The following SLC26A4 variants were observed in gnomAD, a reference collection of about 807,000 sequenced individuals.
SLC26A4 encodes the protein pendrin.
In SLC26A4, 93 loss-of-function variants were observed where a neutral mutation model predicts 90.4. The ratio of observed to expected loss-of-function variants is 1.03; its 90% CI spans 0.87 to 1.22. The LOEUF (loss-of-function observed/expected upper bound fraction) is 1.22, where lower values mean the gene tolerates loss of function less well. SLC26A4 is among the 50% of genes most tolerant of loss of function. The pLI is 0.00. For synonymous variants in SLC26A4, 393 were observed against 354.6 expected, an observed-to-expected ratio of 1.11 and a Z score of -1.22; for missense variants, 1,127 against 946.2, an observed-to-expected ratio of 1.19 and a Z score of -2.51.
In SLC26A4 at chr7:107,675,056, A is replaced by G. The variant is rs907601430; in HGVS notation, c.712A>G (p.Ile238Val). The change falls in exon 6 of 21, where the codon ATT becomes GTT. Residue 238 changes from isoleucine to valine, a missense_variant. Coordinates refer to ENST00000644269, the MANE Select transcript of SLC26A4 (RefSeq NM_000441.2). ...AFQVLVSQLK[I>V]VLNVSTKNYN... ...CCAAGTGCTGGTCTCACAGCTAAAG[A>G]TTGTCCTCAATGTTTCAACCAAAAA... 3.1e-6 allele frequency: 5 copies of G among 1,614,056 alleles called. No individual in the cohort carries two copies. The highest frequency in any genetic ancestry group is 1.7e-5 in the Admixed American group (1 of 60,012).
intron 20 of SLC26A4, among the ~76,000 whole-genome samples, chr7:107,713,874 T>C (rs1386940179): frequency 6.6e-6 from 1 of 150,864 alleles, no homozygotes; most frequent in African/African-American, 2.5e-5. Flanking sequence ...ATCTTGTTGG[T>C]TCTTGTTTAC....
chr7:107,661,503 C>T lies in SLC26A4; in HGVS notation c.-3-136C>T, dbSNP rs1040220320. The T allele has an allele frequency of 2.0e-6, 2 of 1,016,660 alleles. No individual in the cohort carries two copies. The highest frequency in any genetic ancestry group is 2.9e-5 in the South Asian group (2 of 67,886). 63.0% of individuals were successfully genotyped at this position (1,016,660 alleles called of 1,614,324 possible). On this transcript the variant is annotated intron_variant, in intron 1 of 20. Transcript: ENST00000644269. This position sits in a 1 kb window ranked among gnomAD's most constrained non-coding sequence, Gnocchi z 5.1. ...GTCGCGAGCGCCGAGGGCTGCAGGACGCGGACCAGACTCGCGGTGCAGGGG... is the reference window on the plus strand; with the variant it reads ...GTCGCGAGCGCCGAGGGCTGCAGGATGCGGACCAGACTCGCGGTGCAGGGG...
Position 107,661,580 on chromosome 7 carries a change from C to G in SLC26A4, c.-3-59C>G, listed in dbSNP as rs2129308658. 6.6e-7 allele frequency: 1 copy of G among 1,509,018 alleles called. No homozygotes were observed. The highest frequency in any genetic ancestry group is 2.4e-5 in the East Asian group (1 of 40,846). The allele number at this position is 1,509,018 out of a possible 1,614,324, so 93.5% of individuals were successfully genotyped here. ...CCGTTCTTTCTGTTCCTCGCTCTTC[C>G]CCTCCGATCGTCCTCGCTTACCGCG... On this transcript the variant is annotated intron_variant, in intron 1 of 20. Coordinates refer to ENST00000644269, the MANE Select transcript of SLC26A4 (RefSeq NM_000441.2). The surrounding 1 kb of genome is among the most constrained non-coding windows in gnomAD (Gnocchi z 5.1).
chr7:107,713,048 C>T (rs1792236253), intron 20 of SLC26A4, among the ~76,000 whole-genome samples: 1 of 152,222 alleles, frequency 6.6e-6, no homozygotes, highest in Non-Finnish European at 1.5e-5. Context: ...TTTAAAAACA[C>T]ACTCTCCCCA....
chr7:107,684,110 C>T (rs1791330397), intron 8 of SLC26A4, among the ~76,000 whole-genome samples: 2 of 152,102 alleles, frequency 1.3e-5, no homozygotes, highest in Admixed American at 1.3e-4. Flanking sequence ...CTATATAAGA[C>T]AAGGATAATG....
intron 3 of SLC26A4, among the ~76,000 whole-genome samples, chr7:107,665,302 G>A (rs140811508): frequency 1.3e-5 from 2 of 152,324 alleles, no homozygotes; most frequent in African/African-American, 4.8e-5. Context: ...GTAGATGCCC[G>A]AAGAGAAGGA....
intron 6 of SLC26A4, among the ~76,000 whole-genome samples, chr7:107,681,594 T>C (rs983347908): frequency 9.8e-5 from 15 of 152,304 alleles, no homozygotes; most frequent in Non-Finnish European, 1.2e-4. Context: ...CACTGTGAGA[T>C]TGTCTCAAAG....
At chr7:107,685,842 T>C (rs1382955053) in intron 8 of SLC26A4, among the ~76,000 whole-genome samples, 1 of 152,122 alleles carries the variant, frequency 6.6e-6, no homozygotes, top group African/African-American at 2.4e-5. Flanking sequence ...TTTTACCTCT[T>C]CTGTTATAGT....
At chr7:107,674,418 C>A (rs1790964909) in intron 5 of SLC26A4, 70 bp downstream of exon 5, 1 of 1,155,992 alleles carries the variant, frequency 8.7e-7, no homozygotes, top group Non-Finnish European at 1.3e-6. Context: ...AGCATATAGA[C>A]TTAAAGATTC....
rs1428776091 is a variant in SLC26A4 at position 107,694,190 on chromosome 7, C to G, written c.1264-213C>G. ...GGATCAGTCCCCATATTTTCTTTAA[C>G]TTCTCTGCCATAGCATATATAGATG... On this transcript the variant is annotated intron_variant, in intron 10 of 20. Coordinates refer to ENST00000644269, the MANE Select transcript of SLC26A4 (RefSeq NM_000441.2). Among the ~76,000 whole-genome samples the G allele has an allele frequency of 2.0e-5, 3 of 152,198 alleles. No homozygotes were observed. In the East Asian group the frequency reaches 5.8e-4, roughly 29 times the overall value.
At chr7:107,706,715 A>G (rs921030696) in intron 18 of SLC26A4, among the ~76,000 whole-genome samples, 5 of 152,156 alleles carry the variant, frequency 3.3e-5, no homozygotes, top group Admixed American at 3.3e-4. Context: ...AATATAACCA[A>G]TGTTTTCCAA....
At chr7:107,670,993 G>C (rs1395573833) in intron 3 of SLC26A4, among the ~76,000 whole-genome samples, 1 of 152,076 alleles carries the variant, frequency 6.6e-6, no homozygotes, top group African/African-American at 2.4e-5. Context: ...CTGCTGCTGA[G>C]TATAATTATC....
At chr7:107,690,376 C>A in intron 10 of SLC26A4, 139 bp downstream of exon 10, 1 of 683,262 alleles carries the variant, frequency 1.5e-6, no homozygotes, top group Admixed American at 2.1e-5. Flanking sequence ...CAGGCCTATT[C>A]CTCTTGTTCC....
At chr7:107,700,215 T>C (rs1394928597) in intron 15 of SLC26A4, 40 bp downstream of exon 15, 2 of 985,384 alleles carry the variant, frequency 2.0e-6, no homozygotes, top group South Asian at 2.6e-5. Flanking sequence ...TCTAACCTCT[T>C]TTGAGACTTC....
In SLC26A4 at chr7:107,676,695, T is replaced by G. The variant is rs550352401; in HGVS notation, c.765+1586T>G. Among the ~76,000 whole-genome samples the G allele has an allele frequency of 2.6e-5, 4 of 152,292 alleles. No homozygotes were observed. In the South Asian group the frequency reaches 8.3e-4, roughly 32 times the overall value. On this transcript the variant is annotated intron_variant, in intron 6 of 20. Coordinates refer to ENST00000644269, the MANE Select transcript of SLC26A4 (RefSeq NM_000441.2). Reference sequence around the variant, plus strand: ...ACCCACCTATTAGCTTCTAAAACAATGTAAGGCCATGTACACATATCTAAG... The same window carrying G: ...ACCCACCTATTAGCTTCTAAAACAAGGTAAGGCCATGTACACATATCTAAG...
Position 107,674,235 on chromosome 7 carries a change from G to C in SLC26A4, c.487G>C (p.Val163Leu), listed in dbSNP as rs200229408. The stretch of plus-strand genomic sequence containing the variant: ...CATGGCCCCCGACGAACACTTTCTC[G>C]TATCCAGCAGCAATGGAACTGTATT... ...LSMAPDEHFL[V>L]SSSNGTVLNT... Residue 163 changes from valine to leucine, a missense_variant, in exon 5 of 21, where the codon GTA becomes CTA. By Grantham distance (32) the Val-to-Leu change is conservative. Coordinates refer to ENST00000644269, the MANE Select transcript of SLC26A4 (RefSeq NM_000441.2). 1.3e-5 allele frequency: 21 copies of C among 1,614,002 alleles called. 1 individual carries two copies. In the East Asian group the frequency reaches 2.5e-4, roughly 19 times the overall value.
chr7:107,679,971 T>C (rs1471210120), intron 6 of SLC26A4, among the ~76,000 whole-genome samples: 1 of 138,076 alleles, frequency 7.2e-6, no homozygotes, highest in African/African-American at 2.7e-5. Flanking sequence ...TCTTATTATA[T>C]AATATAATCT....
At chr7:107,664,336 A>T (rs1790652439) in intron 3 of SLC26A4, among the ~76,000 whole-genome samples, 1 of 152,158 alleles carries the variant, frequency 6.6e-6, no homozygotes. Flanking sequence ...GGTTCAAGTG[A>T]TTCTTGTGCC....
Position 107,715,411 on chromosome 7 carries a change from T to A in SLC26A4, c.2320-12T>A. On this transcript the variant is annotated splice_polypyrimidine_tract_variant and intron_variant, in intron 20 of 20. Transcript: ENST00000644269. ...GTTGTATCAACACTTTGTTTTCCCCTTGCTTCCACAGGCTATGCGTACACT... is the reference window on the plus strand; with the variant it reads ...GTTGTATCAACACTTTGTTTTCCCCATGCTTCCACAGGCTATGCGTACACT... 1 of 1,611,996 alleles carries A rather than the reference T, an allele frequency of 6.2e-7. No homozygotes were observed. Among genetic ancestry groups the A allele is most frequent in the Non-Finnish European group, 8.5e-7 (1 of 1,178,054 alleles).
Sources: allele counts gnomAD v4.1 joint callset (sites outside exome capture counted in the v4.1 genomes callset), GRCh38; gene constraint gnomAD v4.1.1; non-coding constraint Gnocchi (gnomAD v3.1); transcripts MANE v1.5; gene names NCBI Gene and HGNC (gene_info 2026-07-23, HGNC 2026-07-21).